Variants in RASSF6 observed in about 807,000 individuals in gnomAD.
The protein encoded by RASSF6 is ras association domain-containing protein 6.
Under a neutral mutation model 44.0 loss-of-function variants are expected in RASSF6, and 52 were observed. That is an observed-to-expected ratio of 1.18 (90% CI 0.95 to 1.49). The LOEUF is 1.49. RASSF6 is among the 40% of genes most tolerant of loss of function. The pLI, the probability that RASSF6 is intolerant of heterozygous loss-of-function variation, is 0.00. For missense variants in RASSF6, 464 were observed against 393.3 expected (o/e 1.18, Z -1.52); for synonymous variants, 162 against 124.6 (o/e 1.30, Z -2.00).
intron 8 of RASSF6, 135 bp downstream of exon 8, chr4:73,581,682 A>C (rs1723658959): frequency 1.7e-6 from 1 of 573,942 alleles, no homozygotes; most frequent in Admixed American, 3.0e-5. Context: ...TGTTCTAAAG[A>C]CCACTCCTTC....
At chr4:73,611,555 G>C (rs1726013457) in intron 2 of RASSF6, among the ~76,000 whole-genome samples, 176 bp downstream of exon 2, 1 of 151,944 alleles carries the variant, frequency 6.6e-6, no homozygotes, top group Admixed American at 6.6e-5. Flanking sequence ...ATTGTTCCAT[G>C]AGAGTAAATT....
chr4:73,612,087 T>C (rs771563921), intron 1 of RASSF6, among the ~76,000 whole-genome samples: 4 of 152,194 alleles, frequency 2.6e-5, no homozygotes, highest in Non-Finnish European at 5.9e-5. Flanking sequence ...AAAATAAATA[T>C]GACTCTATTG....
At chr4:73,605,211 G>T (rs1050336429) in intron 2 of RASSF6, among the ~76,000 whole-genome samples, 1 of 152,074 alleles carries the variant, frequency 6.6e-6, no homozygotes, top group South Asian at 2.1e-4. Context: ...TATAAGAAAC[G>T]TGTGATACTT....
chr4:73,576,532 A>G, intron 9 of RASSF6, 25 bp from the exon 10 acceptor site: 2 of 1,555,426 alleles, frequency 1.3e-6, no homozygotes, highest in African/African-American at 2.8e-5. Flanking sequence ...GAAGAAAAAA[A>G]AAAGAAAGCA....
chr4:73,579,307 G>A (rs1723450806), intron 8 of RASSF6, among the ~76,000 whole-genome samples: 1 of 152,086 alleles, frequency 6.6e-6, no homozygotes. Context: ...TCTCACAAAT[G>A]GAATGGTCAA....
chr4:73,618,591 A>G (rs1726518199), intron 1 of RASSF6, among the ~76,000 whole-genome samples: 1 of 152,166 alleles, frequency 6.6e-6, no homozygotes, highest in African/African-American at 2.4e-5. Context: ...TGATTCCTTT[A>G]TAAGTTTTTA....
At chr4:73,581,097 T>G (rs1350831035) in intron 8 of RASSF6, among the ~76,000 whole-genome samples, 1 of 74,378 alleles carries the variant, frequency 1.3e-5, no homozygotes, top group Non-Finnish European at 3.3e-5. Flanking sequence ...AGCTTTCATT[T>G]TCTTAAGGTG....
At chr4:73,583,822 A>T (rs1218286162) in intron 6 of RASSF6, among the ~76,000 whole-genome samples, 1 of 152,106 alleles carries the variant, frequency 6.6e-6, no homozygotes. Context: ...TCCCATCAAC[A>T]GCCTTGTAAA....
At chr4:73,615,049 C>A (rs1246049691) in intron 1 of RASSF6, among the ~76,000 whole-genome samples, 1 of 151,832 alleles carries the variant, frequency 6.6e-6, no homozygotes, top group South Asian at 2.1e-4. Flanking sequence ...TGTGGTGGAA[C>A]ACACTTTTAA....
intron 2 of RASSF6, among the ~76,000 whole-genome samples, chr4:73,607,230 G>A (rs1208726989): frequency 6.6e-6 from 1 of 152,098 alleles, no homozygotes; most frequent in African/African-American, 2.4e-5. Flanking sequence ...CATTGCTCTT[G>A]GGATAAAACC....
rs1233229066 is a variant in RASSF6, at chr4:73,575,195, T to C, written c.*1040A>G. On this transcript the variant is annotated 3_prime_UTR_variant, in exon 11 of 11. Transcript: ENST00000307439. ...CTACAATGCTTATGAGGAATGCAAATGGAATTAGTTTACAGAATGAAAGAA... is the reference window on the plus strand; with the variant it reads ...CTACAATGCTTATGAGGAATGCAAACGGAATTAGTTTACAGAATGAAAGAA... The C allele has an allele frequency of 6.6e-6, 1 of 152,216 alleles. No individual in the cohort carries two copies. The highest frequency in any genetic ancestry group is 2.4e-5 in the African/African-American group (1 of 41,448). The allele number at this position is 152,216 out of a possible 1,614,324, so 9.4% of individuals were successfully genotyped here.
chr4:73,616,810 G>A (rs1179463290), intron 1 of RASSF6, among the ~76,000 whole-genome samples: 1 of 152,152 alleles, frequency 6.6e-6, no homozygotes, highest in Non-Finnish European at 1.5e-5. Context: ...GCTTGAAGAA[G>A]CAATAGAAAG....
intron 2 of RASSF6, among the ~76,000 whole-genome samples, chr4:73,606,048 A>G (rs1359406858): frequency 6.6e-6 from 1 of 152,262 alleles, no homozygotes; most frequent in African/African-American, 2.4e-5. Context: ...TTTCAACCCA[A>G]CAATCCCTTT....
Position 73,572,652 on chromosome 4 carries a change from C to T in RASSF6, c.*3583G>A, listed in dbSNP as rs1229283384. The stretch of plus-strand genomic sequence containing the variant: ...AGACTTTATGGATATAAAACTACCA[C>T]AGAAGTGATGTTAATGTCTCATTTG... On this transcript the variant is annotated 3_prime_UTR_variant, in exon 11 of 11. Transcript: ENST00000307439. 6.6e-6 allele frequency: 1 copy of T among 152,164 alleles called. No homozygotes were observed. Among genetic ancestry groups the T allele is most frequent in the Non-Finnish European group, 1.5e-5 (1 of 68,012 alleles). The allele number at this position is 152,164 out of a possible 1,614,324, so 9.4% of individuals were successfully genotyped here.
rs746711144 is a variant in RASSF6, at chr4:73,587,926, C to T, written c.296G>A (p.Arg99His). ...ATAGAGATCGTCAAATTCCCCCCAG[C>T]GTGTCATTCTGAGAAGTAATAAATC... is the stretch of plus-strand genomic sequence containing the variant. Reference protein sequence around the residue: ...SDVFSSKGMTRWGEFDDLYRI... With the variant: ...SDVFSSKGMTHWGEFDDLYRI... Residue 99 changes from arginine (R) to histidine (H), a missense_variant, in exon 5 of 11, where the codon CGC becomes CAC. Coordinates refer to ENST00000307439, the MANE Select transcript of RASSF6 (RefSeq NM_177532.5). 18 of 1,603,748 alleles carry T rather than the reference C, an allele frequency of 1.1e-5. No homozygotes were observed. The highest frequency in any genetic ancestry group is 7.7e-5 in the South Asian group (7 of 90,372).
At chr4:73,610,735 C>T (rs1022609006) in intron 2 of RASSF6, among the ~76,000 whole-genome samples, 3 of 152,310 alleles carry the variant, frequency 2.0e-5, no homozygotes, top group South Asian at 2.1e-4. Context: ...GAACCCTTTC[C>T]GCTCTCTATC....
In RASSF6 at chr4:73,620,424, C is replaced by A; in HGVS notation, c.-171G>T. 1 of 1,544,282 alleles carries A rather than the reference C, an allele frequency of 6.5e-7. No homozygotes were observed. The highest frequency in any genetic ancestry group is 1.4e-5 in the African/African-American group (1 of 72,738). On this transcript the variant is annotated 5_prime_UTR_variant, in exon 1 of 11. Transcript: ENST00000307439. ...GCCCTGTCTCTGCCGGGCTGGGACT[C>A]CGCGAGTCACTCACCTGTAGGGGAG...
At chr4:73,613,745 A>T (rs911313246) in intron 1 of RASSF6, among the ~76,000 whole-genome samples, 7 of 152,164 alleles carry the variant, frequency 4.6e-5, no homozygotes, top group Admixed American at 4.6e-4. Context: ...TTTTGAGACA[A>T]ACCATGAATA....
intron 3 of RASSF6, among the ~76,000 whole-genome samples, chr4:73,595,948 A>G (rs1228576939): frequency 1.3e-5 from 2 of 152,224 alleles, no homozygotes; most frequent in Non-Finnish European, 1.5e-5. Context: ...ATGCTGTGCC[A>G]TGAAATTAAA....
Sources: allele counts gnomAD v4.1 joint callset (sites outside exome capture counted in the v4.1 genomes callset), GRCh38; gene constraint gnomAD v4.1.1; transcripts MANE v1.5; gene names NCBI Gene and HGNC (gene_info 2026-07-23, HGNC 2026-07-21).